TBC1D12: variants seen among roughly 807,000 people sequenced by gnomAD.
The protein encoded by TBC1D12 is TBC1 domain family member 12.
In TBC1D12, 56 loss-of-function variants were observed where a neutral mutation model predicts 86.7. The observed-to-expected ratio is 0.65, with a 90% CI of 0.52 to 0.81. The LOEUF (loss-of-function observed/expected upper bound fraction) is 0.81. Among genes scored for constraint, TBC1D12 ranks in the 30% least tolerant of loss-of-function variants. The pLI, the probability that TBC1D12 is intolerant of heterozygous loss-of-function variation, is 0.00. For synonymous variants in TBC1D12, 421 were observed against 411.7 expected, an observed-to-expected ratio of 1.02 and a Z score of -0.27; for missense variants, 1,023 against 1,038.8, an observed-to-expected ratio of 0.98 and a Z score of 0.21.
chr10:94,482,239 T>C (rs1332312516), intron 3 of TBC1D12, among the ~76,000 whole-genome samples: 1 of 152,204 alleles, frequency 6.6e-6, no homozygotes, highest in African/African-American at 2.4e-5. Context: ...CTCTCACTTG[T>C]GAGTGAGAAC....
chr10:94,524,263 T>G (rs1209894293), intron 11 of TBC1D12, among the ~76,000 whole-genome samples: 1 of 152,146 alleles, frequency 6.6e-6, no homozygotes, highest in African/African-American at 2.4e-5. Context: ...CCTAGAGGTA[T>G]TACGCATCTC....
intron 1 of TBC1D12, among the ~76,000 whole-genome samples, chr10:94,403,989 G>C (rs565306425): frequency 1.3e-5 from 2 of 152,266 alleles, no homozygotes; most frequent in Non-Finnish European, 2.9e-5. Context: ...AGGTTGTTGG[G>C]GGGGTGGTGA....
chr10:94,469,271 T>C (rs982255301), intron 2 of TBC1D12, among the ~76,000 whole-genome samples: 3 of 152,166 alleles, frequency 2.0e-5, no homozygotes, highest in Non-Finnish European at 4.4e-5. Flanking sequence ...ATAATGTGAA[T>C]AATTCTCACC....
rs1454340398 is a variant in TBC1D12, at chr10:94,533,475, ATAC to A, written c.*384_*386del. 5.5e-6 allele frequency: 1 copy of A among 181,008 alleles called. No individual in the cohort carries two copies. The highest frequency in any genetic ancestry group is 6.2e-5 in the Admixed American group (1 of 16,254). The allele number at this position is 181,008 out of a possible 1,614,324, so 11.2% of individuals were successfully genotyped here. A position where few individuals can be genotyped will look rare whatever the true frequency, so the allele number is the denominator to read the frequency against. On this transcript the variant is annotated 3_prime_UTR_variant, in exon 13 of 13. Coordinates refer to ENST00000225235, the MANE Select transcript of TBC1D12 (RefSeq NM_015188.2). ...CTGGAGGCTAGAGTAGGATTGTTAA[ATAC>A]TACTGTTAACCTCCAAAGTACTATA...
At chr10:94,474,823 T>C in intron 3 of TBC1D12, 40 bp downstream of exon 3, 2 of 1,522,934 alleles carry the variant, frequency 1.3e-6, no homozygotes, top group Non-Finnish European at 1.8e-6. Flanking sequence ...TGTTTATATT[T>C]TAAAGTTAAA....
chr10:94,403,574 T>C lies in TBC1D12; in HGVS notation c.961T>C (p.Phe321Leu). ...RARRSGGFAD[F>L]FTRNLFPKRT... is the part of the protein sequence containing the mutation. ...TCGACGGAGTGGCGGCTTCGCGGAC[T>C]TCTTCACCAGGTACAGCGCAGGCTG... Residue 321 changes from phenylalanine to leucine, a missense_variant, in exon 1 of 13, where the codon TTC becomes CTC. Coordinates refer to ENST00000225235, the MANE Select transcript of TBC1D12 (RefSeq NM_015188.2). The C allele has an allele frequency of 6.8e-7, 1 of 1,473,016 alleles. No individual in the cohort carries two copies. Among genetic ancestry groups the C allele is most frequent in the Non-Finnish European group, 8.9e-7 (1 of 1,122,426 alleles). 91.2% of individuals were successfully genotyped at this position (1,473,016 alleles called of 1,614,324 possible).
chr10:94,477,037 A>G (rs913158397), intron 3 of TBC1D12, among the ~76,000 whole-genome samples: 4 of 152,250 alleles, frequency 2.6e-5, no homozygotes, highest in Non-Finnish European at 5.9e-5. Flanking sequence ...GGTAGGTACA[A>G]TAACATTATG....
At chr10:94,465,178 A>G (rs2055788025) in intron 2 of TBC1D12, among the ~76,000 whole-genome samples, 1 of 152,182 alleles carries the variant, frequency 6.6e-6, no homozygotes, top group Non-Finnish European at 1.5e-5. Flanking sequence ...CTTTGCATGG[A>G]TATGTGTATT....
chr10:94,458,162 G>A (rs2055656960), intron 2 of TBC1D12, among the ~76,000 whole-genome samples: 2 of 152,124 alleles, frequency 1.3e-5, no homozygotes, highest in South Asian at 4.1e-4. Context: ...AATTCTTTAA[G>A]AGGATTAATC....
chr10:94,453,835 A>C (rs1048280213), intron 2 of TBC1D12, among the ~76,000 whole-genome samples: 1 of 151,966 alleles, frequency 6.6e-6, no homozygotes, highest in Non-Finnish European at 1.5e-5. Context: ...TTTCATGTCG[A>C]TGTCCAGTTG....
intron 9 of TBC1D12, among the ~76,000 whole-genome samples, chr10:94,517,311 G>T (rs995375907): frequency 5.3e-5 from 8 of 152,160 alleles, no homozygotes; most frequent in African/African-American, 1.9e-4. Flanking sequence ...CCAGGAGGCA[G>T]AGGTTGCAGT....
chr10:94,408,489 C>T (rs1244115641), intron 1 of TBC1D12, among the ~76,000 whole-genome samples: 1 of 152,022 alleles, frequency 6.6e-6, no homozygotes, highest in Non-Finnish European at 1.5e-5. Flanking sequence ...ATATGAAAAC[C>T]AATGAAGTTT....
At chr10:94,529,681 G>A (rs1281653083) in intron 11 of TBC1D12, among the ~76,000 whole-genome samples, 1 of 152,074 alleles carries the variant, frequency 6.6e-6, no homozygotes, top group East Asian at 1.9e-4. Flanking sequence ...GTTACTCAGG[G>A]AAGGACCCAA....
intron 1 of TBC1D12, among the ~76,000 whole-genome samples, chr10:94,434,854 T>A (rs1292377740): frequency 6.6e-6 from 1 of 152,180 alleles, no homozygotes; most frequent in Non-Finnish European, 1.5e-5. Context: ...TCTTTTTATT[T>A]TGTCATTGAT....
intron 9 of TBC1D12, among the ~76,000 whole-genome samples, chr10:94,517,723 T>A (rs1842036179): frequency 6.6e-6 from 1 of 152,194 alleles, no homozygotes; most frequent in Non-Finnish European, 1.5e-5. Context: ...ATGTCATGAT[T>A]TGACAAAATA....
At chr10:94,415,121 C>T (rs1205701628) in intron 1 of TBC1D12, among the ~76,000 whole-genome samples, 1 of 152,080 alleles carries the variant, frequency 6.6e-6, no homozygotes, top group Non-Finnish European at 1.5e-5. Context: ...TCCCTCTTAC[C>T]CACATGGAAA....
rs745475766 is a variant in TBC1D12, at chr10:94,403,430, T to C, written c.817T>C (p.Ser273Pro). The change falls in exon 1 of 13, where the codon TCT becomes CCT. Residue 273 changes from serine (S) to proline (P), a missense_variant. Around this residue, in one of 2 missense-constraint regions of TBC1D12, gnomAD observed 628 missense variants for 531.1 expected, o/e 1.18. Coordinates refer to ENST00000225235, the MANE Select transcript of TBC1D12 (RefSeq NM_015188.2). ...GGGCTTTTCTGACATTCACTTCAAC[T>C]CTCGCAACACGTTCCAGGTGAGCCG... The part of the protein sequence containing the change: ...RLGFSDIHFN[S>P]RNTFQVSRGQ... 6.5e-7 allele frequency: 1 copy of C among 1,549,476 alleles called. No homozygotes were observed.
chr10:94,411,893 G>A (rs1333298397), intron 1 of TBC1D12, among the ~76,000 whole-genome samples: 1 of 152,188 alleles, frequency 6.6e-6, no homozygotes, highest in Non-Finnish European at 1.5e-5. Context: ...GCGAGGTCGG[G>A]GCTGCAGTGA....
intron 11 of TBC1D12, among the ~76,000 whole-genome samples, chr10:94,529,245 C>T (rs1020172018): frequency 6.6e-6 from 1 of 152,120 alleles, no homozygotes; most frequent in Non-Finnish European, 1.5e-5. Flanking sequence ...TGGATGCAAG[C>T]GATCCTCCCA....
Sources: gnomAD v4.1 joint callset for allele counts (sites outside exome capture counted in the v4.1 genomes callset) on GRCh38, gnomAD v4.1.1 for gene constraint, gnomAD v4.1.1 regional missense constraint, MANE v1.5 for transcripts, NCBI Gene and HGNC (gene_info 2026-07-23, HGNC 2026-07-21) for gene names.